Variants in GFRA1 observed in about 807,000 individuals in gnomAD.
GFRA1 encodes GDNF family receptor alpha-1.
Under a neutral mutation model 51.6 loss-of-function variants are expected in GFRA1, and 16 were observed. The ratio of observed to expected loss-of-function variants is 0.31; its 90% CI spans 0.21 to 0.47. GFRA1 has a LOEUF of 0.47. Ranked by LOEUF, GFRA1 falls within the 20% of genes least tolerant of loss-of-function variation. GFRA1 has a pLI of 1.00. For missense variants in GFRA1, 530 were observed against 594.3 expected, an observed-to-expected ratio of 0.89 and a Z score of 1.13; for synonymous variants, 270 against 241.3, an observed-to-expected ratio of 1.12 and a Z score of -1.10.
At chr10:116,252,758 G>C in intron 4 of GFRA1, among the ~76,000 whole-genome samples, 1 of 152,242 alleles carries the variant, frequency 6.6e-6, no homozygotes, top group East Asian at 1.9e-4. Context: ...GTGACTGGGG[G>C]ATAGGCTTCA....
chr10:116,090,046 C>A (rs184160408), intron 8 of GFRA1, 124 bp from the exon 9 acceptor site: 1 of 894,404 alleles, frequency 1.1e-6, no homozygotes. Context: ...CTGAACAAAA[C>A]GCATCCATCC....
At chr10:116,274,553 C>A (rs1445678842), upstream of GFRA1, among the ~76,000 whole-genome samples, 3 of 152,190 alleles carry the variant, frequency 2.0e-5, no homozygotes, top group East Asian at 5.8e-4. Flanking sequence ...GCCAGGCGCG[C>A]CCCTCGGCTG....
rs1954765295 is a variant in GFRA1 at position 116,060,668 on chromosome 10, A to C, written c.*3730T>G. The C allele has an allele frequency of 6.6e-6, 1 of 152,198 alleles. No homozygotes were observed. Among genetic ancestry groups the C allele is most frequent in the Non-Finnish European group, 1.5e-5 (1 of 68,036 alleles). The allele number at this position is 152,198 out of a possible 1,614,324, so 9.4% of individuals were successfully genotyped here. A position where few individuals can be genotyped will look rare whatever the true frequency, so the allele number is the denominator to read the frequency against. ...GTCACATAGTCTGATGTGCTTTATC[A>C]AAGAACAGAGGCAAGAGCAAGACAG... On this transcript the variant is annotated 3_prime_UTR_variant, in exon 11 of 11. Coordinates refer to ENST00000355422, the MANE Select transcript of GFRA1 (RefSeq NM_005264.8).
chr10:116,198,697 A>G (rs1387977352), intron 5 of GFRA1, among the ~76,000 whole-genome samples: 4 of 151,858 alleles, frequency 2.6e-5, no homozygotes, highest in Non-Finnish European at 5.9e-5. Context: ...CTCCCTGTCC[A>G]CCAGCCCTGG....
intron 6 of GFRA1, among the ~76,000 whole-genome samples, chr10:116,106,116 G>A (rs1322872636): frequency 6.6e-6 from 1 of 152,150 alleles, no homozygotes; most frequent in African/African-American, 2.4e-5. Context: ...GGGGCCATGA[G>A]CCTGCGTGGG....
At chr10:116,105,040 A>G (rs968206763) in intron 6 of GFRA1, among the ~76,000 whole-genome samples, 1 of 152,206 alleles carries the variant, frequency 6.6e-6, no homozygotes, top group African/African-American at 2.4e-5. Context: ...ATTGTTTTAT[A>G]TTACCCATAC....
At chr10:116,148,082 G>GTGTGTGTATGCA (rs1555158859) in intron 5 of GFRA1, among the ~76,000 whole-genome samples, 3 of 129,376 alleles carry the variant, frequency 2.3e-5, no homozygotes, top group Non-Finnish European at 5.0e-5. Context: ...GTGCATGTGT[G>GTGTGTGTATGCA]TGTGTGCATG....
chr10:116,239,356 C>A (rs1339031682), intron 4 of GFRA1, among the ~76,000 whole-genome samples: 1 of 152,068 alleles, frequency 6.6e-6, no homozygotes, highest in Non-Finnish European at 1.5e-5. Context: ...AAGTAAAAAT[C>A]TTTTTAAAGT....
At chr10:116,168,361 G>C (rs748009883) in intron 5 of GFRA1, among the ~76,000 whole-genome samples, 20 of 152,122 alleles carry the variant, frequency 1.3e-4, no homozygotes, top group Non-Finnish European at 2.6e-4. Flanking sequence ...GTTCAAAAGA[G>C]GATTGAGCAA....
chr10:116,069,114 A>G (rs2133784571), intron 9 of GFRA1, among the ~76,000 whole-genome samples: 1 of 152,274 alleles, frequency 6.6e-6, no homozygotes. Context: ...GCCGAAAAAG[A>G]GCTCAGCCAG....
At chr10:116,072,078 T>C (rs1186268008) in intron 9 of GFRA1, among the ~76,000 whole-genome samples, 1 of 152,182 alleles carries the variant, frequency 6.6e-6, no homozygotes, top group Non-Finnish European at 1.5e-5. Context: ...AAGGCTTTTT[T>C]TTTTTTCAGG....
intron 5 of GFRA1, among the ~76,000 whole-genome samples, chr10:116,155,924 G>A (rs933455478): frequency 6.6e-6 from 1 of 152,186 alleles, no homozygotes; most frequent in Non-Finnish European, 1.5e-5. Context: ...AGGCTCTCCA[G>A]CACACCCACC....
At chr10:116,112,508 C>A (rs2694811) in intron 6 of GFRA1, among the ~76,000 whole-genome samples, 149,573 of 152,270 alleles carry the variant, frequency 0.98, 73,523 homozygotes, top group East Asian at 1. Flanking sequence ...CCAGAGGTTG[C>A]CCTGTGGCAC....
At chr10:116,111,446 C>T (rs1367600139) in intron 6 of GFRA1, among the ~76,000 whole-genome samples, 1 of 152,182 alleles carries the variant, frequency 6.6e-6, no homozygotes, top group East Asian at 1.9e-4. Context: ...TAAAGCCCAA[C>T]CTTAATGCAG....
intron 5 of GFRA1, among the ~76,000 whole-genome samples, chr10:116,152,975 G>A (rs1959120497): frequency 6.6e-6 from 1 of 152,142 alleles, no homozygotes. Flanking sequence ...GACTAAGTGT[G>A]TTATAAACCT....
chr10:116,142,547 A>C (rs1958615702), intron 5 of GFRA1, among the ~76,000 whole-genome samples: 1 of 152,224 alleles, frequency 6.6e-6, no homozygotes, highest in Non-Finnish European at 1.5e-5. Flanking sequence ...AAAAGTAGAA[A>C]TGTGTCCCCA....
chr10:116,124,170 G>A (rs899666093), intron 6 of GFRA1, among the ~76,000 whole-genome samples: 2 of 151,982 alleles, frequency 1.3e-5, no homozygotes, highest in African/African-American at 2.4e-5. Flanking sequence ...CTCCCAAAGC[G>A]TTGGGATTAC....
chr10:116,268,694 T>C (rs992510957), intron 4 of GFRA1, among the ~76,000 whole-genome samples: 1 of 152,202 alleles, frequency 6.6e-6, no homozygotes, highest in African/African-American at 2.4e-5. Flanking sequence ...AGACATATAA[T>C]TTGTGGTGGC....
At chr10:116,091,904 C>A (rs1956353866) in intron 8 of GFRA1, among the ~76,000 whole-genome samples, 1 of 152,092 alleles carries the variant, frequency 6.6e-6, no homozygotes, top group Non-Finnish European at 1.5e-5. Flanking sequence ...CAATGAGACA[C>A]CAGACTATTC....
Sources: allele counts gnomAD v4.1 joint callset (sites outside exome capture counted in the v4.1 genomes callset), GRCh38; gene constraint gnomAD v4.1.1; transcripts MANE v1.5; gene names NCBI Gene and HGNC (gene_info 2026-07-23, HGNC 2026-07-21).